Variants in GSPT1 observed in about 807,000 individuals in gnomAD.
GSPT1 encodes the protein eukaryotic peptide chain release factor GTP-binding subunit ERF3A.
GSPT1 carries 20 observed loss-of-function variants against 72.5 expected under a neutral mutation model. That is an observed-to-expected ratio of 0.28 (90% CI 0.19 to 0.40). The LOEUF is 0.40. Ranked by LOEUF, GSPT1 falls within the 10% of genes least tolerant of loss-of-function variation. The probability of loss-of-function intolerance (pLI) is 1.00; values close to 1 mark genes in which losing one functional copy is unlikely to be tolerated. For missense variants in GSPT1, 580 were observed against 811.9 expected (o/e 0.71, Z 3.47); for synonymous variants, 334 against 293.5 (o/e 1.14, Z -1.41).
intron 10 of GSPT1, 141 bp from the exon 11 acceptor site, chr16:11,883,236 T>C: frequency 1.6e-6 from 1 of 610,190 alleles, no homozygotes; most frequent in Non-Finnish European, 3.0e-6. Context: ...CATCTTAAAC[T>C]CAGTAACAAA....
intron 1 of GSPT1, among the ~76,000 whole-genome samples, chr16:11,912,295 C>T (rs1428632589): frequency 2.0e-5 from 3 of 149,874 alleles, no homozygotes; most frequent in Non-Finnish European, 4.4e-5. Flanking sequence ...TTGTAGTCAG[C>T]CGAGATCGTG....
At chr16:11,885,055 G>A (rs1472086547) in intron 10 of GSPT1, 126 bp downstream of exon 10, 21 of 563,202 alleles carry the variant, frequency 3.7e-5, no homozygotes, top group African/African-American at 5.9e-5. Context: ...GGGACAGAGT[G>A]CAAGATTCTG....
rs1390830350 is a variant in GSPT1, at chr16:11,872,390, A to T, written c.*729T>A. On this transcript the variant is annotated 3_prime_UTR_variant, in exon 15 of 15. Transcript: ENST00000434724. ...TTACAATATAAATTGGCAAAAAAAA[A>T]AAAAATAAATAAATAACTAAAAGAC... 6.6e-6 allele frequency: 1 copy of T among 151,772 alleles called. No individual in the cohort carries two copies. Among genetic ancestry groups the T allele is most frequent in the Non-Finnish European group, 1.5e-5 (1 of 67,940 alleles). 9.4% of individuals were successfully genotyped at this position (151,772 alleles called of 1,614,324 possible).
intron 1 of GSPT1, among the ~76,000 whole-genome samples, chr16:11,899,239 G>A (rs2054376332): frequency 6.6e-6 from 1 of 152,180 alleles, no homozygotes; most frequent in African/African-American, 2.4e-5. Context: ...AGAGTCAAGA[G>A]AAAGTGTTTT....
chr16:11,871,073 A>G lies in GSPT1; in HGVS notation c.*2046T>C, dbSNP rs1424073443. 1 of 152,244 alleles carries G rather than the reference A, an allele frequency of 6.6e-6. No individual in the cohort carries two copies. Among genetic ancestry groups the G allele is most frequent in the African/African-American group, 2.4e-5 (1 of 41,468 alleles). The allele number at this position is 152,244 out of a possible 1,614,324, so 9.4% of individuals were successfully genotyped here. A position where few individuals can be genotyped will look rare whatever the true frequency, so the allele number is the denominator to read the frequency against. ...TATTTGTTTTTATTAACATGGAATT[A>G]CAAAAAGAACTATTATGTTTTGATT... On this transcript the variant is annotated 3_prime_UTR_variant, in exon 15 of 15. Transcript: ENST00000434724.
chr16:11,887,762 T>G lies in GSPT1; in HGVS notation c.777-12A>C. On this transcript the variant is annotated splice_polypyrimidine_tract_variant and intron_variant, in intron 6 of 14. Coordinates refer to ENST00000434724, the MANE Select transcript of GSPT1 (RefSeq NM_002094.4). ...CCCAAGACAAGTACCTGAAATAATT[T>G]TTAAAAAAAGAACAATATTCCTAAG... is the stretch of plus-strand genomic sequence containing the variant. The G allele has an allele frequency of 1.3e-6, 2 of 1,570,366 alleles. No individual in the cohort carries two copies. The highest frequency in any genetic ancestry group is 1.7e-6 in the Non-Finnish European group (2 of 1,153,472).
rs1183525710 is a variant in GSPT1, at chr16:11,892,530, A to C, written c.699-1391T>G. On this transcript the variant is annotated intron_variant, in intron 5 of 14. Coordinates refer to ENST00000434724, the MANE Select transcript of GSPT1 (RefSeq NM_002094.4). ...TCAAAAAAACAAAAAAAACAAAAAA[A>C]ACAAAAAATAAAAAATGGCCGGGCA... 1.4e-5 allele frequency among the ~76,000 whole-genome samples: 2 copies of C among 146,432 alleles called. 1 individual carries two copies. The highest frequency in any genetic ancestry group is 5.2e-5 in the African/African-American group (2 of 38,328).
chr16:11,891,299 A>G (rs1274992899), intron 5 of GSPT1, among the ~76,000 whole-genome samples, 160 bp from the exon 6 acceptor site: 4 of 148,056 alleles, frequency 2.7e-5, no homozygotes, highest in African/African-American at 4.9e-5. Flanking sequence ...TATAACATAT[A>G]TAACATATTT....
At position 11,875,945 on chromosome 16, in the gene GSPT1, G is replaced by A. The variant is rs752854616; in HGVS notation, c.1693-16C>T. 2 of 1,604,200 alleles carry A rather than the reference G, an allele frequency of 1.2e-6. No homozygotes were observed. Among genetic ancestry groups the A allele is most frequent in the East Asian group, 4.5e-5 (2 of 44,830 alleles). ...AGATTAAGGCCTAACCAAGAAAAGA[G>A]TATGAGAAAATCAGAATAATGCCAA... On this transcript the variant is annotated splice_polypyrimidine_tract_variant and intron_variant, in intron 13 of 14. Transcript: ENST00000434724.
chr16:11,896,032 A>AT (rs1050011536), intron 4 of GSPT1, among the ~76,000 whole-genome samples: 6 of 152,094 alleles, frequency 3.9e-5, no homozygotes, highest in East Asian at 3.9e-4. Context: ...ATAATTCTGT[A>AT]TTTTTTTTCT....
Position 11,915,682 on chromosome 16 carries a change from G to GCTC in GSPT1, c.38_39insGAG (p.Gly13_Gly14insSer). The GCTC allele has an allele frequency of 3.0e-6, 4 of 1,317,482 alleles. No homozygotes were observed. The highest frequency in any genetic ancestry group is 4.1e-6 in the Non-Finnish European group (4 of 982,070). The allele number at this position is 1,317,482 out of a possible 1,614,324, so 81.6% of individuals were successfully genotyped here. A position where few individuals can be genotyped will look rare whatever the true frequency, so the allele number is the denominator to read the frequency against. On this transcript the variant is annotated inframe_insertion, in exon 1 of 15. Coordinates refer to ENST00000434724, the MANE Select transcript of GSPT1 (RefSeq NM_002094.4). Reference sequence around the variant, plus strand: ...TGCTGCCGCTGCTGCTCCCGCCGCCGCCGCCGCCGCCGCCGCCGCCGCCAC... The same window carrying GCTC: ...TGCTGCCGCTGCTGCTCCCGCCGCCGCTCCCGCCGCCGCCGCCGCCGCCGCCAC...
At position 11,915,831 on chromosome 16, in the gene GSPT1, G is replaced by T; in HGVS notation, c.-111C>A. The T allele has an allele frequency of 6.6e-7, 1 of 1,511,612 alleles. No homozygotes were observed. Among genetic ancestry groups the T allele is most frequent in the African/African-American group, 1.4e-5 (1 of 72,544 alleles). 93.6% of individuals were successfully genotyped at this position (1,511,612 alleles called of 1,614,324 possible). On this transcript the variant is annotated 5_prime_UTR_variant, in exon 1 of 15. Coordinates refer to ENST00000434724, the MANE Select transcript of GSPT1 (RefSeq NM_002094.4). ...TGAGGGAAGGCGGCGGGGCAGAAGG[G>T]CCGGGAGCTAGCGACAAAGATCCCC...
chr16:11,888,159 G>GA (rs972981035), intron 6 of GSPT1, among the ~76,000 whole-genome samples: 13 of 150,426 alleles, frequency 8.6e-5, no homozygotes, highest in Middle Eastern at 3.2e-3. Flanking sequence ...CGTCTCAAAA[G>GA]AAAACAAAGA....
chr16:11,892,532 C>CA (rs57710463), intron 5 of GSPT1, among the ~76,000 whole-genome samples: 2 of 102,882 alleles, frequency 1.9e-5, no homozygotes, highest in African/African-American at 8.4e-5. Flanking sequence ...ACAAAAAAAA[C>CA]AAAAAATAAA....
At chr16:11,901,343 A>C (rs1430190887) in intron 1 of GSPT1, among the ~76,000 whole-genome samples, 1 of 152,234 alleles carries the variant, frequency 6.6e-6, no homozygotes, top group Non-Finnish European at 1.5e-5. Flanking sequence ...ATAGATGATT[A>C]GGGTGTAATT....
At chr16:11,896,414 G>A in intron 4 of GSPT1, 144 bp downstream of exon 4, 1 of 619,804 alleles carries the variant, frequency 1.6e-6, no homozygotes. Flanking sequence ...GCAATTTTTT[G>A]CCAGCTAAAA....
In GSPT1 at chr16:11,915,541, G is replaced by A. The variant is rs771518263; in HGVS notation, c.180C>T (p.Asn60=). The change falls in exon 1 of 15, where the codon AAC becomes AAT. Residue 60 remains asparagine, a synonymous_variant. Transcript: ENST00000434724. ...LAAAAEAQRE[N]LSAAFSRQLN... ...GTTGCCGGCTGAAGGCCGCGCTGAGGTTCTCCCGCTGGGCCTCGGCCGCCG... is the reference window on the plus strand; with the variant it reads ...GTTGCCGGCTGAAGGCCGCGCTGAGATTCTCCCGCTGGGCCTCGGCCGCCG... 4.6e-6 allele frequency: 7 copies of A among 1,506,770 alleles called. No homozygotes were observed. The Admixed American group carries it at 6.6e-5, about 14-fold the overall frequency. The allele number at this position is 1,506,770 out of a possible 1,614,324, so 93.3% of individuals were successfully genotyped here. A position where few individuals can be genotyped will look rare whatever the true frequency, so the allele number is the denominator to read the frequency against.
intron 1 of GSPT1, chr16:11,915,066 T>G: frequency 7.7e-7 from 1 of 1,291,712 alleles, no homozygotes; most frequent in Non-Finnish European, 1.0e-6. Flanking sequence ...CTCCGTTCCA[T>G]ACGGTTCCCA....
intron 14 of GSPT1, 64 bp downstream of exon 14, chr16:11,875,697 G>C: frequency 8.5e-7 from 1 of 1,180,436 alleles, no homozygotes; most frequent in South Asian, 1.4e-5. Flanking sequence ...GTACTGAGAT[G>C]ATGAAGATGA....
Sources: gnomAD v4.1 joint callset for allele counts (sites outside exome capture counted in the v4.1 genomes callset) on GRCh38, gnomAD v4.1.1 for gene constraint, MANE v1.5 for transcripts, NCBI Gene and HGNC (gene_info 2026-07-23, HGNC 2026-07-21) for gene names.